The following ABCA5 variants were observed in gnomAD, a reference collection of about 807,000 sequenced individuals.
The protein encoded by ABCA5 is cholesterol transporter ABCA5.
A neutral mutation model predicts 206.0 loss-of-function variants in ABCA5; 163 were observed. That is an observed-to-expected ratio of 0.79 (90% CI 0.70 to 0.90). ABCA5 has a LOEUF of 0.90. ABCA5 is among the 40% of genes least tolerant of loss of function. The pLI is 0.00. For missense variants in ABCA5, 1,859 were observed against 1,912.9 expected, an observed-to-expected ratio of 0.97 and a Z score of 0.53; for synonymous variants, 609 against 613.8, an observed-to-expected ratio of 0.99 and a Z score of 0.11.
chr17:69,291,281 C>T lies in ABCA5; in HGVS notation c.1541G>A (p.Gly514Asp), dbSNP rs780297262. ...IYEGQITALLGHSGTGKSTLM... is the reference protein window; with the variant it reads ...IYEGQITALLDHSGTGKSTLM... Reference sequence around the variant, plus strand: ...TGTACTCTTTCCTGTTCCACTGTGGCCAAGTAAGGCAGTAATCTGACCCTC... The same window carrying T: ...TGTACTCTTTCCTGTTCCACTGTGGTCAAGTAAGGCAGTAATCTGACCCTC... The change falls in exon 12 of 39, where the codon GGC becomes GAC. Residue 514 changes from glycine (G) to aspartate (D), a missense_variant. Transcript: ENST00000392676. 1.9e-6 allele frequency: 3 copies of T among 1,611,374 alleles called. No individual in the cohort carries two copies. The highest frequency in any genetic ancestry group is 1.1e-5 in the South Asian group (1 of 90,786).
intron 22 of ABCA5, 86 bp downstream of exon 22, chr17:69,270,527 A>G (rs867676238): frequency 8.2e-6 from 10 of 1,226,616 alleles, no homozygotes; most frequent in Middle Eastern, 2.9e-4. Context: ...AAATTTCTAC[A>G]TATTTTGTTA....
chr17:69,251,301 G>C (rs1397319184), intron 35 of ABCA5: 4 of 153,912 alleles, frequency 2.6e-5, no homozygotes, highest in African/African-American at 9.6e-5. Context: ...GTCCAAACTT[G>C]GGGGATAGGA....
At position 69,250,556 on chromosome 17, in the gene ABCA5, A is replaced by C. The variant is rs1356087103; in HGVS notation, c.4601T>G (p.Leu1534Trp). Residue 1534 changes from leucine (L) to tryptophan (W), a missense_variant, in exon 36 of 39, where the codon TTG (leucine) becomes TGG (tryptophan). Transcript: ENST00000392676. The stretch of plus-strand genomic sequence containing the variant: ...TTCTAGGTTTTCTATCCAGTCCTTC[A>C]ATTTAATTTCCAAAAAGTAGCCTTT... ...FGKGYFLEIK[L>W]KDWIENLEVD... The C allele has an allele frequency of 5.0e-6, 8 of 1,604,142 alleles. No homozygotes were observed. The highest frequency in any genetic ancestry group is 6.8e-6 in the Non-Finnish European group (8 of 1,176,778).
chr17:69,274,029 G>C lies in ABCA5; in HGVS notation c.2694C>G (p.Asp898Glu). ...TGTCTCCAGGTTTTAGAAAATATAA[G>C]TCTGGAACAAGTTTGATGGGAACCA... ...NAVVPIKLVP[D>E]LYFLKPGDKP... The change falls in exon 20 of 39, where the codon GAC becomes GAG. Residue 898 changes from aspartate to glutamate, a missense_variant. Asp to Glu is a conservative substitution (Grantham distance 45, BLOSUM62 2). Coordinates refer to ENST00000392676, the MANE Select transcript of ABCA5 (RefSeq NM_172232.4). The C allele has an allele frequency of 6.2e-7, 1 of 1,611,708 alleles. No individual in the cohort carries two copies. The highest frequency in any genetic ancestry group is 8.5e-7 in the Non-Finnish European group (1 of 1,179,180).
In ABCA5 at chr17:69,274,052, C is replaced by T. The variant is rs2075304126; in HGVS notation, c.2671G>A (p.Val891Ile). The change falls in exon 20 of 39, where the codon GTT (valine) becomes ATT (isoleucine). Residue 891 changes from valine to isoleucine, a missense_variant. Coordinates refer to ENST00000392676, the MANE Select transcript of ABCA5 (RefSeq NM_172232.4). ...AAGTCTGGAACAAGTTTGATGGGAACCACAGCATTTTTAAAAGAGTGATGA... is the reference window on the plus strand; with the variant it reads ...AAGTCTGGAACAAGTTTGATGGGAATCACAGCATTTTTAAAAGAGTGATGA... ...LVHHSFKNAV[V>I]PIKLVPDLYF... 1.4e-5 allele frequency: 22 copies of T among 1,610,000 alleles called. No homozygotes were observed. Among genetic ancestry groups the T allele is most frequent in the Non-Finnish European group, 1.8e-5 (21 of 1,178,734 alleles).
intron 16 of ABCA5, 26 bp downstream of exon 16, chr17:69,286,195 A>T (rs752425613): frequency 5.4e-5 from 86 of 1,589,824 alleles, no homozygotes; most frequent in Non-Finnish European, 1.3e-5. Context: ...ATAATATAGA[A>T]TAATGTCAAT....
chr17:69,257,489 C>G (rs1398835880), intron 28 of ABCA5, among the ~76,000 whole-genome samples: 1 of 151,476 alleles, frequency 6.6e-6, no homozygotes, highest in African/African-American at 2.4e-5. Context: ...AAAATAGTAT[C>G]AATGGAAAGG....
intron 7 of ABCA5, chr17:69,304,071 A>C (rs1382050885): frequency 6.6e-6 from 1 of 151,300 alleles, no homozygotes; most frequent in Non-Finnish European, 1.5e-5. Flanking sequence ...TTTAAAAAAA[A>C]ACCAGGCAAT....
chr17:69,249,799 AG>A, intron 37 of ABCA5, 105 bp downstream of exon 37: 1 of 1,419,766 alleles, frequency 7.0e-7, no homozygotes, highest in South Asian at 1.4e-5. Context: ...CTACAACATA[AG>A]TGCTTTTCAA....
In ABCA5 at chr17:69,274,034, G is replaced by T; in HGVS notation, c.2689C>A (p.Pro897Thr). 1 of 1,609,960 alleles carries T rather than the reference G, an allele frequency of 6.2e-7. No homozygotes were observed. Among genetic ancestry groups the T allele is most frequent in the Non-Finnish European group, 8.5e-7 (1 of 1,178,352 alleles). ...KNAVVPIKLVPDLYFLKPGDK... is the reference protein window; with the variant it reads ...KNAVVPIKLVTDLYFLKPGDK... ...CCAGGTTTTAGAAAATATAAGTCTG[G>T]AACAAGTTTGATGGGAACCACAGCA... The change falls in exon 20 of 39, where the codon CCA becomes ACA. Residue 897 changes from proline (P) to threonine (T), a missense_variant. By Grantham distance (38) the Pro-to-Thr change is conservative. Coordinates refer to ENST00000392676, the MANE Select transcript of ABCA5 (RefSeq NM_172232.4).
chr17:69,298,392 A>G (rs2075615306), intron 9 of ABCA5, among the ~76,000 whole-genome samples: 1 of 150,482 alleles, frequency 6.6e-6, no homozygotes, highest in Non-Finnish European at 1.5e-5. Flanking sequence ...CCCAGACAAC[A>G]TGTTCCATTT....
chr17:69,299,030 T>A (rs1242340674), intron 9 of ABCA5, among the ~76,000 whole-genome samples: 1 of 152,052 alleles, frequency 6.6e-6, no homozygotes, highest in African/African-American at 2.4e-5. Context: ...ATAACTCTAA[T>A]AAGATATACA....
chr17:69,269,419 G>A (rs564160410), intron 22 of ABCA5, among the ~76,000 whole-genome samples: 28 of 152,304 alleles, frequency 1.8e-4, no homozygotes, highest in African/African-American at 6.5e-4. Flanking sequence ...TTCATAATAT[G>A]AGATACCTCT....
chr17:69,248,789 A>G, intron 37 of ABCA5: 1 of 152,554 alleles, frequency 6.6e-6, no homozygotes. Flanking sequence ...CAAGTATACA[A>G]TCATGGTTCA....
intron 18 of ABCA5, among the ~76,000 whole-genome samples, chr17:69,281,436 T>C (rs1454277637): frequency 1.3e-5 from 2 of 152,188 alleles, no homozygotes; most frequent in African/African-American, 2.4e-5. Flanking sequence ...ATATAAAAGT[T>C]TTATTGTGGA....
In ABCA5 at chr17:69,289,972, T is replaced by C. The variant is rs1303010752; in HGVS notation, c.1672A>G (p.Ile558Val). ...ATATCTAACTGTGGACAAATGCCAATCATTTTTCTTGCTTCAAACATTTCA... is the reference window on the plus strand; with the variant it reads ...ATATCTAACTGTGGACAAATGCCAACCATTTTTCTTGCTTCAAACATTTCA... ...IDEMFEARKM[I>V]GICPQLDIHF... Residue 558 changes from isoleucine to valine, a missense_variant, in exon 13 of 39, where the codon ATT (isoleucine) becomes GTT (valine). By Grantham distance (29) the Ile-to-Val change is conservative. Transcript: ENST00000392676. 2 of 1,612,554 alleles carry C rather than the reference T, an allele frequency of 1.2e-6. No individual in the cohort carries two copies. Among genetic ancestry groups the C allele is most frequent in the East Asian group, 2.2e-5 (1 of 44,676 alleles).
intron 9 of ABCA5, among the ~76,000 whole-genome samples, chr17:69,299,471 T>TACCCACACACACACAC: frequency 7.0e-6 from 1 of 142,510 alleles, no homozygotes; most frequent in Non-Finnish European, 1.5e-5. Flanking sequence ...CACACACACA[T>TACCCACACACACACAC]ACACACACAC....
chr17:69,272,231 G>C (rs2075281498), intron 20 of ABCA5, among the ~76,000 whole-genome samples: 1 of 152,052 alleles, frequency 6.6e-6, no homozygotes, highest in African/African-American at 2.4e-5. Flanking sequence ...CCTGAGAAGA[G>C]AGACACATTA....
At chr17:69,309,874 T>C (rs2075753510) in intron 3 of ABCA5, among the ~76,000 whole-genome samples, 1 of 151,998 alleles carries the variant, frequency 6.6e-6, no homozygotes, top group South Asian at 2.1e-4. Context: ...AGACAATTCT[T>C]CCAACAAAAT....
Sources: allele counts gnomAD v4.1 joint callset (sites outside exome capture counted in the v4.1 genomes callset), GRCh38; gene constraint gnomAD v4.1.1; transcripts MANE v1.5; gene names NCBI Gene and HGNC (gene_info 2026-07-23, HGNC 2026-07-21).